MYO1D: variants seen among roughly 807,000 people sequenced by gnomAD.
MYO1D encodes the protein myosin ID.
MYO1D carries 83 observed loss-of-function variants against 122.0 expected under a neutral mutation model. The ratio of observed to expected loss-of-function variants is 0.68; its 90% CI spans 0.57 to 0.82. MYO1D has a LOEUF of 0.82. Among genes scored for constraint, MYO1D ranks in the 40% least tolerant of loss-of-function variants. MYO1D has a pLI of 0.00. For synonymous variants in MYO1D, 464 were observed against 446.9 expected (o/e 1.04, Z -0.48); for missense variants, 1,157 against 1,269.5 (o/e 0.91, Z 1.35).
chr17:32,782,217 A>C (rs1177525766), intron 1 of MYO1D, among the ~76,000 whole-genome samples: 1 of 152,254 alleles, frequency 6.6e-6, no homozygotes, highest in Non-Finnish European at 1.5e-5. Flanking sequence ...CAAGATTTTT[A>C]TCAAGTATTT....
At chr17:32,520,182 C>T (rs1338758964) in intron 21 of MYO1D, among the ~76,000 whole-genome samples, 1 of 152,196 alleles carries the variant, frequency 6.6e-6, no homozygotes, top group Admixed American at 6.5e-5. Flanking sequence ...GGGAAAGGCT[C>T]ATGAGACTGT....
intron 21 of MYO1D, among the ~76,000 whole-genome samples, chr17:32,560,569 A>G (rs1456486321): frequency 2.9e-5 from 3 of 104,780 alleles, no homozygotes; most frequent in Non-Finnish European, 5.7e-5. Flanking sequence ...ATATATATAT[A>G]TATATATAAC....
chr17:32,703,869 T>C (rs2089276432), intron 16 of MYO1D, among the ~76,000 whole-genome samples: 1 of 152,166 alleles, frequency 6.6e-6, no homozygotes, highest in Non-Finnish European at 1.5e-5. Flanking sequence ...AACAAATAAG[T>C]GTCCTATTTT....
chr17:32,501,434 C>G (rs1002394081), intron 21 of MYO1D, among the ~76,000 whole-genome samples: 2 of 152,206 alleles, frequency 1.3e-5, no homozygotes, highest in Non-Finnish European at 2.9e-5. Flanking sequence ...TGCCCAACAC[C>G]TTGGAGGAAG....
intron 11 of MYO1D, among the ~76,000 whole-genome samples, chr17:32,753,214 C>G (rs1268974850): frequency 6.6e-6 from 1 of 151,098 alleles, no homozygotes; most frequent in African/African-American, 2.4e-5. Flanking sequence ...TATGCATGAA[C>G]ACAAAGATGG....
At chr17:32,856,701 C>G (rs1313822382) in intron 1 of MYO1D, among the ~76,000 whole-genome samples, 1 of 152,182 alleles carries the variant, frequency 6.6e-6, no homozygotes, top group Non-Finnish European at 1.5e-5. Flanking sequence ...CATGGACACT[C>G]CTCTTCAGAC....
At position 32,760,625 on chromosome 17, in the gene MYO1D, T is replaced by G. The variant is rs751069191; in HGVS notation, c.1038A>C (p.Ala346=). The change falls in exon 9 of 22, where the codon GCA becomes GCC. Residue 346 remains alanine, a splice_region_variant and synonymous_variant. Transcript: ENST00000318217. ...TCCAACAAAAAAGGCGCTCATATAT[T>G]GCCTGCAAGGAAAATAGCATCATAA... ...ASYGRDAFAK[A]IYERLFCWIV... 1 of 1,600,284 alleles carries G rather than the reference T, an allele frequency of 6.2e-7. No homozygotes were observed. Among genetic ancestry groups the G allele is most frequent in the African/African-American group, 1.3e-5 (1 of 74,162 alleles).
chr17:32,561,833 G>A (rs778416485), intron 21 of MYO1D, among the ~76,000 whole-genome samples: 22 of 151,774 alleles, frequency 1.4e-4, no homozygotes, highest in Non-Finnish European at 2.1e-4. Context: ...TATATTTTAC[G>A]TATCCTTTTA....
intron 1 of MYO1D, among the ~76,000 whole-genome samples, chr17:32,864,006 C>T (rs1239890936): frequency 8.4e-5 from 2 of 23,878 alleles, no homozygotes; most frequent in African/African-American, 3.9e-4. Context: ...AACATTTCTT[C>T]CTTTTTTTTT....
chr17:32,822,790 C>T (rs970812107), intron 1 of MYO1D, among the ~76,000 whole-genome samples: 3 of 151,652 alleles, frequency 2.0e-5, no homozygotes, highest in African/African-American at 4.8e-5. Flanking sequence ...GGCCGACCTC[C>T]GCTCGCGACC....
intron 21 of MYO1D, among the ~76,000 whole-genome samples, chr17:32,585,220 T>C (rs1411138460): frequency 6.6e-6 from 1 of 152,204 alleles, no homozygotes; most frequent in African/African-American, 2.4e-5. Context: ...TCCTTTTCTA[T>C]TTTATATCTA....
intron 14 of MYO1D, among the ~76,000 whole-genome samples, chr17:32,726,280 T>A (rs568024394): frequency 6.6e-6 from 1 of 151,748 alleles, no homozygotes; most frequent in African/African-American, 2.4e-5. Context: ...ATTAACTGGG[T>A]GTGGTGGCGT....
At chr17:32,630,726 C>T (rs1371639534) in intron 20 of MYO1D, among the ~76,000 whole-genome samples, 1 of 152,076 alleles carries the variant, frequency 6.6e-6, no homozygotes, top group African/African-American at 2.4e-5. Flanking sequence ...GTGCCTGCCG[C>T]CACATCTGGC....
At chr17:32,633,602 A>C (rs2088053104) in intron 20 of MYO1D, among the ~76,000 whole-genome samples, 1 of 151,810 alleles carries the variant, frequency 6.6e-6, no homozygotes, top group Non-Finnish European at 1.5e-5. Flanking sequence ...GAGTGCACAA[A>C]TCTCAAGTAA....
At chr17:32,824,062 G>A (rs1437882915) in intron 1 of MYO1D, among the ~76,000 whole-genome samples, 7 of 84,036 alleles carry the variant, frequency 8.3e-5, no homozygotes, top group African/African-American at 1.3e-4. Flanking sequence ...GCAAGACTCC[G>A]TCTCAAAAAA....
At chr17:32,698,460 TA>T (rs2089203545) in intron 16 of MYO1D, among the ~76,000 whole-genome samples, 1 of 148,848 alleles carries the variant, frequency 6.7e-6, no homozygotes, top group African/African-American at 2.5e-5. Flanking sequence ...GTCTTAGAAA[TA>T]AAACACTTGA....
At chr17:32,639,108 A>C (rs2088150880) in intron 19 of MYO1D, among the ~76,000 whole-genome samples, 1 of 152,194 alleles carries the variant, frequency 6.6e-6, no homozygotes, top group Non-Finnish European at 1.5e-5. Flanking sequence ...AGGCAAACCC[A>C]GAGAATGGGA....
chr17:32,517,440 C>T (rs1276671469), intron 21 of MYO1D, among the ~76,000 whole-genome samples: 1 of 152,180 alleles, frequency 6.6e-6, no homozygotes, highest in Non-Finnish European at 1.5e-5. Flanking sequence ...GTCCCCACTT[C>T]CTCTTGTCTG....
At chr17:32,827,024 C>A (rs1432992246) in intron 1 of MYO1D, among the ~76,000 whole-genome samples, 1 of 152,160 alleles carries the variant, frequency 6.6e-6, no homozygotes, top group African/African-American at 2.4e-5. Context: ...TATGATCTAG[C>A]ATTCCATTCC....
Sources: gnomAD v4.1 joint callset for allele counts (sites outside exome capture counted in the v4.1 genomes callset) on GRCh38, gnomAD v4.1.1 for gene constraint, MANE v1.5 for transcripts, NCBI Gene and HGNC (gene_info 2026-07-23, HGNC 2026-07-21) for gene names.